Variants in NOL12 observed in about 807,000 individuals in gnomAD.
NOL12 encodes the protein nucleolar protein 12.
In NOL12, 21 loss-of-function variants were observed where a neutral mutation model predicts 25.2. The observed-to-expected ratio is 0.83, with a 90% CI of 0.59 to 1.20. The LOEUF (loss-of-function observed/expected upper bound fraction) is 1.20, where lower values mean the gene tolerates loss of function less well. Among genes scored for constraint, NOL12 ranks in the 50% most tolerant of loss-of-function variants. NOL12 has a pLI of 0.00. For missense variants in NOL12, 286 were observed against 287.6 expected, an observed-to-expected ratio of 0.99 and a Z score of 0.04; for synonymous variants, 133 against 113.8, an observed-to-expected ratio of 1.17 and a Z score of -1.08.
In NOL12 at chr22:37,691,582, G is replaced by A. The variant is rs944067204; in HGVS notation, c.*246G>A. 2 of 462,028 alleles carry A rather than the reference G, an allele frequency of 4.3e-6. No homozygotes were observed. The highest frequency in any genetic ancestry group is 7.6e-6 in the Non-Finnish European group (2 of 264,516). 28.6% of individuals were successfully genotyped at this position (462,028 alleles called of 1,614,324 possible). A position where few individuals can be genotyped will look rare whatever the true frequency, so the allele number is the denominator to read the frequency against. Reference sequence around the variant, plus strand: ...CCCCAGGAAGAGCCTTCAGAGCCACGTGGGGGCATCTTCCCAAATGTGCAC... The same window carrying A: ...CCCCAGGAAGAGCCTTCAGAGCCACATGGGGGCATCTTCCCAAATGTGCAC... On this transcript the variant is annotated 3_prime_UTR_variant, in exon 6 of 6. Coordinates refer to ENST00000359114, the MANE Select transcript of NOL12 (RefSeq NM_024313.3).
chr22:37,689,546 T>A (rs1289785472), intron 4 of NOL12, among the ~76,000 whole-genome samples: 2 of 152,146 alleles, frequency 1.3e-5, no homozygotes, highest in East Asian at 3.9e-4. Context: ...AAAAAAAAAA[T>A]ATAATTGAAA....
At chr22:37,686,609 C>G (rs1311390644) in intron 1 of NOL12, 134 bp downstream of exon 1, 1 of 1,375,374 alleles carries the variant, frequency 7.3e-7, no homozygotes, top group Non-Finnish European at 9.3e-7. Context: ...CCCTCTCGGC[C>G]TTCCAGCCCG....
chr22:37,691,101 A>G, intron 5 of NOL12, 73 bp from the exon 6 acceptor site: 3 of 1,510,786 alleles, frequency 2.0e-6, no homozygotes, highest in Non-Finnish European at 1.8e-6. Context: ...CTGTCCTGAC[A>G]TCCCCTCCGT....
intron 1 of NOL12, among the ~76,000 whole-genome samples, chr22:37,687,512 C>T (rs915174152): frequency 4.6e-5 from 7 of 152,154 alleles, no homozygotes; most frequent in Non-Finnish European, 7.3e-5. Context: ...GGCTGGAGTG[C>T]AGTGGCATGA....
intron 4 of NOL12, 59 bp from the exon 5 acceptor site, chr22:37,690,638 C>G: frequency 3.0e-6 from 4 of 1,312,390 alleles, no homozygotes; most frequent in Non-Finnish European, 4.3e-6. Context: ...GCTCGGGGTG[C>G]CCAGCCCAGG....
intron 1 of NOL12, chr22:37,686,923 C>T (rs531025481): frequency 1.0e-6 from 1 of 985,432 alleles, no homozygotes; most frequent in East Asian, 1.1e-4. Flanking sequence ...CAGCGTCTGG[C>T]CAGATAAATA....
At chr22:37,689,914 G>C (rs1921994225) in intron 4 of NOL12, among the ~76,000 whole-genome samples, 1 of 152,262 alleles carries the variant, frequency 6.6e-6, no homozygotes, top group South Asian at 2.1e-4. Flanking sequence ...GCTCATGCCT[G>C]TAATCCCAGC....
intron 1 of NOL12, 177 bp downstream of exon 1, chr22:37,686,652 T>C: frequency 1.0e-6 from 1 of 985,298 alleles, no homozygotes; most frequent in South Asian, 4.7e-5. Context: ...GCCGCCACCT[T>C]CTCCCTTCTT....
rs1922026539 is a variant in NOL12, at chr22:37,690,717, TGAG to T, written c.410_412del (p.Glu137del). 6.2e-7 allele frequency: 1 copy of T among 1,613,608 alleles called. No homozygotes were observed. Among genetic ancestry groups the T allele is most frequent in the Admixed American group, 1.7e-5 (1 of 59,976 alleles). On this transcript the variant is annotated inframe_deletion, in exon 5 of 6. Transcript: ENST00000359114. ...TTTAGGGAGGGGCTGGAGACAGGTC[TGAG>T]GAGGAGGCGTCATCCACGGAGAAAC...
At position 37,692,213 on chromosome 22, in the gene NOL12, C is replaced by T. The variant is rs1922102078; in HGVS notation, c.*877C>T. 3.5e-6 allele frequency: 1 copy of T among 283,710 alleles called. No homozygotes were observed. The allele number at this position is 283,710 out of a possible 1,614,324, so 17.6% of individuals were successfully genotyped here. Reference sequence around the variant, plus strand: ...CTCTACTAAAAATGCAAAAATTAGCCAGGTGTGGTGGCACACGCGTGTAAT... The same window carrying T: ...CTCTACTAAAAATGCAAAAATTAGCTAGGTGTGGTGGCACACGCGTGTAAT... On this transcript the variant is annotated 3_prime_UTR_variant, in exon 6 of 6. Coordinates refer to ENST00000359114, the MANE Select transcript of NOL12 (RefSeq NM_024313.3).
intron 1 of NOL12, chr22:37,687,023 AGG>A: frequency 1.0e-6 from 1 of 985,398 alleles, no homozygotes; most frequent in Non-Finnish European, 1.2e-6. Flanking sequence ...GGAGATGAGA[AGG>A]GGCTGAGATT....
At chr22:37,687,218 T>C (rs1330135999) in intron 1 of NOL12, 1 of 430,418 alleles carries the variant, frequency 2.3e-6, no homozygotes, top group African/African-American at 2.2e-5. Flanking sequence ...AGTAATGAGG[T>C]TTGTAGGTGT....
chr22:37,687,850 A>G (rs1921889994), intron 1 of NOL12, 60 bp from the exon 2 acceptor site: 1 of 1,329,126 alleles, frequency 7.5e-7, no homozygotes, highest in African/African-American at 1.5e-5. Flanking sequence ...TTTCTCCTAG[A>G]GCGAGCCCTT....
Position 37,690,900 on chromosome 22 carries a change from T to C in NOL12, c.479+106T>C. ...AGGTGTAGGGCCCGGAGCAGCCCTCTGCCTGTCCAGTGATCCTCTGCCTCT... is the reference window on the plus strand; with the variant it reads ...AGGTGTAGGGCCCGGAGCAGCCCTCCGCCTGTCCAGTGATCCTCTGCCTCT... On this transcript the variant is annotated intron_variant, in intron 5 of 5. Coordinates refer to ENST00000359114, the MANE Select transcript of NOL12 (RefSeq NM_024313.3). 3.6e-6 allele frequency: 3 copies of C among 823,554 alleles called. No homozygotes were observed. The South Asian group carries it at 5.0e-5, about 14-fold the overall frequency. 51.0% of individuals were successfully genotyped at this position (823,554 alleles called of 1,614,324 possible). A position where few individuals can be genotyped will look rare whatever the true frequency, so the allele number is the denominator to read the frequency against.
chr22:37,687,198 C>T, intron 1 of NOL12: 1 of 606,026 alleles, frequency 1.7e-6, no homozygotes, highest in Non-Finnish European at 2.1e-6. Flanking sequence ...CCTGAAAACC[C>T]TGTTGAGAGA....
chr22:37,689,130 C>T lies in NOL12; in HGVS notation c.381+138C>T, dbSNP rs114273345. On this transcript the variant is annotated intron_variant, in intron 4 of 5. Coordinates refer to ENST00000359114, the MANE Select transcript of NOL12 (RefSeq NM_024313.3). ...GGGGCGTGGGGGCAGACTGGCTTGT[C>T]GGGGTTGCTCAGTGCTGGCCCATGT... 4.7e-3 allele frequency: 5,063 copies of T among 1,084,660 alleles called. 184 individuals carry two copies. The African/African-American group carries it at 0.072, about 15-fold the overall frequency. The allele number at this position is 1,084,660 out of a possible 1,614,324, so 67.2% of individuals were successfully genotyped here. A position where few individuals can be genotyped will look rare whatever the true frequency, so the allele number is the denominator to read the frequency against.
At position 37,693,141 on chromosome 22, in the gene NOL12, C is replaced by G. The variant is rs945186507; in HGVS notation, c.*1805C>G. 1 of 158,960 alleles carries G rather than the reference C, an allele frequency of 6.3e-6. No homozygotes were observed. The highest frequency in any genetic ancestry group is 1.8e-4 in the East Asian group (1 of 5,526). The allele number at this position is 158,960 out of a possible 1,614,324, so 9.8% of individuals were successfully genotyped here. ...AACAGCTGAGTCCCAGGGGTTCTTG[C>G]ACACAGCAGGGCTCGGGTTTGAATC... On this transcript the variant is annotated 3_prime_UTR_variant, in exon 6 of 6. Coordinates refer to ENST00000359114, the MANE Select transcript of NOL12 (RefSeq NM_024313.3).
chr22:37,687,837 A>G (rs932772796), intron 1 of NOL12, 73 bp from the exon 2 acceptor site: 17 of 1,209,276 alleles, frequency 1.4e-5, no homozygotes, highest in Admixed American at 2.0e-5. Context: ...GGCATTAGCC[A>G]TTTTTCTCCT....
Position 37,691,588 on chromosome 22 carries a change from G to T in NOL12, c.*252G>T, listed in dbSNP as rs1922068235. Reference sequence around the variant, plus strand: ...GAAGAGCCTTCAGAGCCACGTGGGGGCATCTTCCCAAATGTGCACCCCACC... The same window carrying T: ...GAAGAGCCTTCAGAGCCACGTGGGGTCATCTTCCCAAATGTGCACCCCACC... On this transcript the variant is annotated 3_prime_UTR_variant, in exon 6 of 6. Transcript: ENST00000359114. 2 of 426,458 alleles carry T rather than the reference G, an allele frequency of 4.7e-6. No homozygotes were observed. The highest frequency in any genetic ancestry group is 8.2e-6 in the Non-Finnish European group (2 of 243,902). The allele number at this position is 426,458 out of a possible 1,614,324, so 26.4% of individuals were successfully genotyped here.
Sources: allele counts gnomAD v4.1 joint callset (sites outside exome capture counted in the v4.1 genomes callset), GRCh38; gene constraint gnomAD v4.1.1; transcripts MANE v1.5; gene names NCBI Gene and HGNC (gene_info 2026-07-23, HGNC 2026-07-21).